Variants in DST observed in about 807,000 individuals in gnomAD.
The protein encoded by DST is bullous pemphigoid antigen.
DST carries 253 observed loss-of-function variants against 875.2 expected under a neutral mutation model. The ratio of observed to expected loss-of-function variants is 0.29; its 90% CI spans 0.26 to 0.32. The LOEUF is 0.32. DST is among the 10% of genes least tolerant of loss of function. The probability of loss-of-function intolerance (pLI) is 1.00; values close to 1 mark genes in which losing one functional copy is unlikely to be tolerated. For synonymous variants in DST, 3,124 were observed against 3,197.1 expected, an observed-to-expected ratio of 0.98 and a Z score of 0.77; for missense variants, 8,287 against 9,111.6, an observed-to-expected ratio of 0.91 and a Z score of 3.68.
intron 4 of DST, among the ~76,000 whole-genome samples, chr6:56,846,309 G>T (rs1278625393): frequency 6.6e-6 from 1 of 152,184 alleles, no homozygotes; most frequent in Admixed American, 6.5e-5. Flanking sequence ...TTGGTAAATT[G>T]TCCAAGTAAA....
chr6:56,842,001 T>C (rs1277283032), intron 4 of DST, among the ~76,000 whole-genome samples: 12 of 152,238 alleles, frequency 7.9e-5, no homozygotes, highest in Admixed American at 7.2e-4. Flanking sequence ...ATTTCGGTTA[T>C]AAAACATATC....
At chr6:56,879,781 G>A (rs1471902076) in intron 3 of DST, among the ~76,000 whole-genome samples, 2 of 152,196 alleles carry the variant, frequency 1.3e-5, no homozygotes, top group Non-Finnish European at 2.9e-5. Flanking sequence ...CTGAGCCACA[G>A]AGAAATTAAG....
intron 3 of DST, among the ~76,000 whole-genome samples, chr6:56,884,406 A>T (rs986415954): frequency 6.6e-6 from 1 of 152,112 alleles, no homozygotes; most frequent in African/African-American, 2.4e-5. Context: ...TGTCACCTGT[A>T]TTTTATGTAA....
chr6:56,549,112 G>A (rs1051999523), intron 61 of DST, among the ~76,000 whole-genome samples: 2 of 152,164 alleles, frequency 1.3e-5, no homozygotes, highest in Admixed American at 6.5e-5. Flanking sequence ...TATCAAACCT[G>A]CTTTAAATCC....
Position 56,605,733 on chromosome 6 carries a change from T to C in DST, c.8895A>G (p.Gln2965=). ...CAGTCAATTCTGGCAATTCTGACCC[T>C]TGAATCAACTTAACCTTTGTGTTTG... ...DLANTKVKLI[Q]GSELPELTDS... Residue 2965 remains glutamine (Q), a synonymous_variant, in exon 40 of 104, where the codon CAA becomes CAG. Coordinates refer to ENST00000680361, the MANE Select transcript of DST (RefSeq NM_001374736.1). 1.9e-6 allele frequency: 3 copies of C among 1,612,884 alleles called. No homozygotes were observed. The highest frequency in any genetic ancestry group is 2.5e-6 in the Non-Finnish European group (3 of 1,179,350).
chr6:56,511,436 G>T, intron 72 of DST, 36 bp from the exon 73 acceptor site: 1 of 1,540,046 alleles, frequency 6.5e-7, no homozygotes, highest in Middle Eastern at 2.0e-4. Flanking sequence ...GTATCTCAGG[G>T]TCACACCTCC....
rs763518239 is a variant in DST, at chr6:56,631,367, C to G, written c.3986G>C (p.Arg1329Pro). The G allele has an allele frequency of 6.2e-7, 1 of 1,613,714 alleles. No homozygotes were observed. The highest frequency in any genetic ancestry group is 1.3e-5 in the African/African-American group (1 of 74,916). ...GATTGTTCCCAAATCATCTTTAAGT[C>G]GTTCCAGCTCTTTCTTTAGTTTCTA... is the stretch of plus-strand genomic sequence containing the variant. ...EQEKLKKELE[R>P]LKDDLGTITN... The change falls in exon 30 of 104, where the codon CGA becomes CCA. Residue 1329 changes from arginine to proline, a missense_variant. Physicochemically the swap from Arg to Pro is moderately radical, Grantham distance 103 (BLOSUM62 -2). This residue lies in a region of DST where 3,138 missense variants were observed against 3,116.6 expected (regional missense o/e 1.01). Coordinates refer to ENST00000680361, the MANE Select transcript of DST (RefSeq NM_001374736.1).
intron 3 of DST, among the ~76,000 whole-genome samples, chr6:56,860,740 C>T (rs751940814): frequency 2.6e-5 from 4 of 152,150 alleles, no homozygotes; most frequent in Non-Finnish European, 5.9e-5. Flanking sequence ...ATATAATTGT[C>T]ACTTCAGGAA....
chr6:56,923,644 T>C (rs1805431182), intron 2 of DST, among the ~76,000 whole-genome samples: 1 of 152,096 alleles, frequency 6.6e-6, no homozygotes, highest in South Asian at 2.1e-4. Context: ...CAAAAGCCAT[T>C]GAGCAGGAAG....
chr6:56,953,241 G>A (rs1338988815), intron 2 of DST, among the ~76,000 whole-genome samples: 1 of 152,178 alleles, frequency 6.6e-6, no homozygotes. Context: ...CTAGAGGGAT[G>A]GTCCACGTTT....
intron 9 of DST, among the ~76,000 whole-genome samples, 164 bp from the exon 10 acceptor site, chr6:56,670,971 A>G (rs1442631254): frequency 1.3e-5 from 2 of 152,238 alleles, no homozygotes; most frequent in African/African-American, 4.8e-5. Flanking sequence ...TGTGTACAGC[A>G]CTTAAGAGAA....
intron 4 of DST, among the ~76,000 whole-genome samples, chr6:56,847,736 A>G (rs2099808714): frequency 6.6e-6 from 1 of 152,114 alleles, no homozygotes. Context: ...GGTTAATTAC[A>G]CTGTCCTCTG....
At chr6:56,504,213 C>T in intron 77 of DST, 115 bp from the exon 78 acceptor site, 1 of 687,078 alleles carries the variant, frequency 1.5e-6, no homozygotes, top group Non-Finnish European at 2.3e-6. Context: ...TAGAATTAGA[C>T]TATTTTATAA....
Position 56,614,362 on chromosome 6 carries a change from C to T in DST, c.5052G>A (p.Lys1684=). 6.2e-7 allele frequency: 1 copy of T among 1,603,742 alleles called. No homozygotes were observed. Among genetic ancestry groups the T allele is most frequent in the East Asian group, 2.3e-5 (1 of 44,430 alleles). Reference sequence around the variant, plus strand: ...CCAGGACTTCTGTGAATACCTTTTGCTTAGAGAAGGGAGGTTTTCCAGCCT... The same window carrying T: ...CCAGGACTTCTGTGAATACCTTTTGTTTAGAGAAGGGAGGTTTTCCAGCCT... ...AEKAGKPPFS[K]QKISSEEIST... The change falls in exon 37 of 104, where the codon AAG becomes AAA. Residue 1684 remains lysine, a synonymous_variant. Coordinates refer to ENST00000680361, the MANE Select transcript of DST (RefSeq NM_001374736.1).
At chr6:56,731,496 G>A (rs1055587346) in intron 5 of DST, among the ~76,000 whole-genome samples, 9 of 152,136 alleles carry the variant, frequency 5.9e-5, no homozygotes, top group Non-Finnish European at 2.9e-5. Flanking sequence ...TATTCATTCT[G>A]GTAGTTATTA....
At chr6:56,848,022 A>G (rs1304928277) in intron 4 of DST, among the ~76,000 whole-genome samples, 1 of 152,236 alleles carries the variant, frequency 6.6e-6, no homozygotes, top group Non-Finnish European at 1.5e-5. Flanking sequence ...ATTTCTATGT[A>G]TTGGTAATAT....
At chr6:56,534,443 G>A (rs952925747) in intron 63 of DST, among the ~76,000 whole-genome samples, 3 of 152,016 alleles carry the variant, frequency 2.0e-5, no homozygotes, top group African/African-American at 7.3e-5. Flanking sequence ...TCAGTCTCAG[G>A]TACATATCAA....
chr6:56,665,893 T>C (rs563480479), intron 10 of DST, among the ~76,000 whole-genome samples: 16 of 152,306 alleles, frequency 1.1e-4, no homozygotes, highest in African/African-American at 3.4e-4. Context: ...AGGATTGTGG[T>C]AATTTTAAAA....
chr6:56,618,696 C>T (rs1563229797), intron 36 of DST: 1 of 1,613,830 alleles, frequency 6.2e-7, no homozygotes, highest in East Asian at 2.2e-5. Context: ...TGAAGAGACA[C>T]AAAGTCAAGC....
Sources: gnomAD v4.1 joint callset for allele counts (sites outside exome capture counted in the v4.1 genomes callset) on GRCh38, gnomAD v4.1.1 for gene constraint, gnomAD v4.1.1 regional missense constraint, MANE v1.5 for transcripts, NCBI Gene and HGNC (gene_info 2026-07-23, HGNC 2026-07-21) for gene names.